Variants in PLXNA4 observed in about 807,000 individuals in gnomAD.
PLXNA4 encodes the protein plexin-A4.
In PLXNA4, 44 loss-of-function variants were observed where a neutral mutation model predicts 191.8. The observed-to-expected ratio is 0.23, with a 90% confidence interval of 0.18 to 0.29. The LOEUF (loss-of-function observed/expected upper bound fraction) is 0.29. Ranked by LOEUF, PLXNA4 falls within the 10% of genes least tolerant of loss-of-function variation. The probability of loss-of-function intolerance (pLI) is 1.00; values close to 1 mark genes in which losing one functional copy is unlikely to be tolerated. For missense variants in PLXNA4, 1,800 were observed against 2,488.8 expected, an observed-to-expected ratio of 0.72 and a Z score of 5.89; for synonymous variants, 1,082 against 1,009.5, an observed-to-expected ratio of 1.07 and a Z score of -1.36.
In PLXNA4 at chr7:132,508,456, C is replaced by A. The variant is rs149992884; in HGVS notation, c.238G>T (p.Val80Phe). ...RIYKLSSDLK[V>F]LVTHETGPDE... ...GGCCCTGTCTCATGCGTCACCAAGA[C>A]CTTCAGGTCGCTGGAGAGCTTGTAA... The change falls in exon 2 of 32, where the codon GTC (valine) becomes TTC (phenylalanine). Residue 80 changes from valine to phenylalanine, a missense_variant. Val to Phe is a conservative substitution (Grantham distance 50). Transcript: ENST00000321063. The surrounding 1 kb of genome is among the most constrained non-coding windows in gnomAD (Gnocchi z 4.4). 8.7e-6 allele frequency: 14 copies of A among 1,614,096 alleles called. No homozygotes were observed. Among genetic ancestry groups the A allele is most frequent in the Admixed American group, 6.7e-5 (4 of 60,012 alleles).
intron 3 of PLXNA4, among the ~76,000 whole-genome samples, chr7:132,392,940 C>T (rs1490549734): frequency 6.6e-6 from 1 of 152,174 alleles, no homozygotes; most frequent in African/African-American, 2.4e-5. Context: ...CACCCAGGCC[C>T]TGCAGCAGAG....
intron 1 of PLXNA4, among the ~76,000 whole-genome samples, chr7:132,510,689 A>C (rs989919003): frequency 1.3e-5 from 2 of 152,186 alleles, no homozygotes; most frequent in Non-Finnish European, 2.9e-5. Flanking sequence ...AGGCTGCAGG[A>C]GGCCTTGGGG....
chr7:132,190,793 AT>A (rs1388318877), intron 14 of PLXNA4, among the ~76,000 whole-genome samples: 1 of 152,116 alleles, frequency 6.6e-6, no homozygotes, highest in African/African-American at 2.4e-5. Context: ...GGACCACAGG[AT>A]GGAAAATTGC....
chr7:132,507,449 T>G, intron 2 of PLXNA4, 57 bp downstream of exon 2: 1 of 1,531,314 alleles, frequency 6.5e-7, no homozygotes, highest in Middle Eastern at 1.8e-4. Context: ...GGCTACAGGC[T>G]GGGGTTCTCA....
chr7:132,376,065 G>C (rs1222916174), intron 3 of PLXNA4, among the ~76,000 whole-genome samples: 1 of 152,134 alleles, frequency 6.6e-6, no homozygotes, highest in Non-Finnish European at 1.5e-5. Context: ...TGCAAATTTG[G>C]AACAGCCCCA....
intron 1 of PLXNA4, among the ~76,000 whole-genome samples, chr7:132,565,728 T>C (rs1801691795): frequency 1.3e-5 from 2 of 152,076 alleles, no homozygotes; most frequent in African/African-American, 4.8e-5. Context: ...AAAGCTCTGC[T>C]ATATCCTTGC....
intron 3 of PLXNA4, among the ~76,000 whole-genome samples, chr7:132,348,558 A>G (rs913827092): frequency 6.6e-6 from 1 of 152,156 alleles, no homozygotes; most frequent in African/African-American, 2.4e-5. Flanking sequence ...GTCAATGGAG[A>G]GGTTGTTCCC....
At chr7:132,228,178 C>A (rs931969528) in intron 6 of PLXNA4, among the ~76,000 whole-genome samples, 168 bp downstream of exon 6, 2 of 152,106 alleles carry the variant, frequency 1.3e-5, no homozygotes, top group Admixed American at 6.6e-5. Context: ...TTCTTGCATC[C>A]CCCCGTAGAC....
chr7:132,616,180 C>T (rs1803154483), intron 2 of PLXNA4, among the ~76,000 whole-genome samples: 1 of 152,154 alleles, frequency 6.6e-6, no homozygotes, highest in Non-Finnish European at 1.5e-5. Context: ...ACCCCACACA[C>T]CCACTCCATG....
At position 132,376,286 on chromosome 7, in the gene PLXNA4, C is replaced by T. The variant is rs560339394; in HGVS notation, c.1372-78064G>A. The stretch of plus-strand genomic sequence containing the variant: ...GCTAAGGGGAAAGCCTCTATTGCTC[C>T]GCAAGGCAAAGGACCCCCAGCCGAG... On this transcript the variant is annotated intron_variant, in intron 3 of 31. Coordinates refer to ENST00000321063, the MANE Select transcript of PLXNA4 (RefSeq NM_020911.2). 8.5e-5 allele frequency among the ~76,000 whole-genome samples: 13 copies of T among 152,236 alleles called. No individual in the cohort carries two copies. In the East Asian group the frequency reaches 1.6e-3, roughly 18 times the overall value.
chr7:132,138,772 T>C (rs533491749), intron 30 of PLXNA4, among the ~76,000 whole-genome samples: 88 of 152,174 alleles, frequency 5.8e-4, no homozygotes, highest in Non-Finnish European at 1.0e-3. Context: ...ACAAACCTCA[T>C]TGAGCACCAA....
At chr7:132,173,325 C>T (rs1219539932) in intron 21 of PLXNA4, among the ~76,000 whole-genome samples, 2 of 152,198 alleles carry the variant, frequency 1.3e-5, no homozygotes, top group Non-Finnish European at 2.9e-5. Context: ...ACAAAAGTAT[C>T]AGGATACACG....
intron 2 of PLXNA4, among the ~76,000 whole-genome samples, chr7:132,609,778 G>GC (rs962074260): frequency 6.6e-6 from 1 of 152,210 alleles, no homozygotes; most frequent in African/African-American, 2.4e-5. Flanking sequence ...ACACTGGGCT[G>GC]CCCCCCATTG....
chr7:132,409,285 A>C, intron 3 of PLXNA4, among the ~76,000 whole-genome samples: 1 of 152,120 alleles, frequency 6.6e-6, no homozygotes, highest in Non-Finnish European at 1.5e-5. Flanking sequence ...ACTGCAGTAG[A>C]TGGCTTGGTG....
At chr7:132,412,220 T>C (rs1794484618) in intron 3 of PLXNA4, among the ~76,000 whole-genome samples, 1 of 152,194 alleles carries the variant, frequency 6.6e-6, no homozygotes, top group African/African-American at 2.4e-5. Flanking sequence ...CTGATAACTG[T>C]TTATTATTTT....
intron 1 of PLXNA4, among the ~76,000 whole-genome samples, chr7:132,526,526 G>A (rs1432282042): frequency 1.3e-5 from 2 of 152,116 alleles, no homozygotes; most frequent in Non-Finnish European, 2.9e-5. Context: ...CAAAGGCCCC[G>A]CCAACCCACA....
chr7:132,135,380 T>G (rs1795081715), intron 30 of PLXNA4, among the ~76,000 whole-genome samples: 1 of 152,158 alleles, frequency 6.6e-6, no homozygotes, highest in South Asian at 2.1e-4. Flanking sequence ...ACAACTGTCA[T>G]CAAAAGCAAA....
chr7:132,173,334 CGT>C (rs1562897129), intron 21 of PLXNA4, among the ~76,000 whole-genome samples: 3 of 152,166 alleles, frequency 2.0e-5, no homozygotes, highest in Non-Finnish European at 4.4e-5. Flanking sequence ...TCAGGATACA[CGT>C]TATGTTTTTA....
chr7:132,597,859 C>CTCTA (rs10660880), intron 2 of PLXNA4, among the ~76,000 whole-genome samples: 36 of 145,314 alleles, frequency 2.5e-4, no homozygotes, highest in Admixed American at 8.3e-4. Flanking sequence ...CTCTCTCTCT[C>CTCTA]TATATATATA....
Sources: allele counts gnomAD v4.1 joint callset (sites outside exome capture counted in the v4.1 genomes callset), GRCh38; gene constraint gnomAD v4.1.1; non-coding constraint Gnocchi (gnomAD v3.1); transcripts MANE v1.5; gene names NCBI Gene and HGNC (gene_info 2026-07-23, HGNC 2026-07-21).